Variants in RBM46 observed in about 807,000 individuals in gnomAD.
RBM46 encodes the protein probable RNA-binding protein 46.
RBM46 carries 12 observed loss-of-function variants against 43.3 expected under a neutral mutation model. The ratio of observed to expected loss-of-function variants is 0.28; its 90% CI spans 0.18 to 0.45. The LOEUF is 0.45. RBM46 is among the 20% of genes least tolerant of loss of function. The pLI, the probability that RBM46 is intolerant of heterozygous loss-of-function variation, is 1.00. For missense variants in RBM46, 412 were observed against 639.1 expected (o/e 0.64, Z 3.83); for synonymous variants, 205 against 207.6 (o/e 0.99, Z 0.11).
intron 1 of RBM46, among the ~76,000 whole-genome samples, chr4:154,789,150 A>G (rs1005372287): frequency 2.6e-5 from 4 of 152,122 alleles, no homozygotes; most frequent in Non-Finnish European, 5.9e-5. Context: ...CTCTTTTCCT[A>G]ATTGAATACC....
At chr4:154,811,898 C>T (rs1735200330) in intron 4 of RBM46, among the ~76,000 whole-genome samples, 1 of 151,960 alleles carries the variant, frequency 6.6e-6, no homozygotes, top group African/African-American at 2.4e-5. Context: ...CCAGGCTGGT[C>T]ACTAATTCCT....
Position 154,815,508 on chromosome 4 carries a change from T to A in RBM46, c.1403-12360T>A, listed in dbSNP as rs191670797. 2.0e-4 allele frequency among the ~76,000 whole-genome samples: 31 copies of A among 152,172 alleles called. No individual in the cohort carries two copies. In the East Asian group the frequency reaches 5.8e-3, roughly 28 times the overall value. On this transcript the variant is annotated intron_variant, in intron 4 of 4. Coordinates refer to ENST00000281722, the MANE Select transcript of RBM46 (RefSeq NM_144979.5). ...TCTTTTACATTTTGGATATTCTGAT[T>A]AGTGTATATTTCTTACTGAGATTGT...
intron 1 of RBM46, among the ~76,000 whole-genome samples, chr4:154,785,128 C>T (rs1733695950): frequency 6.6e-6 from 1 of 151,756 alleles, no homozygotes; most frequent in Admixed American, 6.6e-5. Flanking sequence ...GGTGACTCTT[C>T]AGTGTGTCTT....
At position 154,796,906 on chromosome 4, in the gene RBM46, G is replaced by A. The variant is rs1376196873; in HGVS notation, c.151+3G>A. 6.2e-7 allele frequency: 1 copy of A among 1,610,752 alleles called. No individual in the cohort carries two copies. Among genetic ancestry groups the A allele is most frequent in the Non-Finnish European group, 8.5e-7 (1 of 1,178,890 alleles). On this transcript the variant is annotated splice_donor_region_variant and intron_variant, in intron 2 of 4. Transcript: ENST00000281722. ...GAAATTTGGCGGTCCTCCTCCAGGTGTGGATTTGTTTACAGTCTTTTAAAT... is the reference window on the plus strand; with the variant it reads ...GAAATTTGGCGGTCCTCCTCCAGGTATGGATTTGTTTACAGTCTTTTAAAT...
intron 4 of RBM46, chr4:154,826,914 C>T: frequency 7.4e-7 from 1 of 1,356,256 alleles, no homozygotes; most frequent in Middle Eastern, 1.9e-4. Flanking sequence ...AGAAAAAAAC[C>T]TTACCTGTAC....
intron 4 of RBM46, among the ~76,000 whole-genome samples, chr4:154,810,330 A>G (rs1293979714): frequency 6.6e-6 from 1 of 152,154 alleles, no homozygotes; most frequent in African/African-American, 2.4e-5. Context: ...CTCAGACTAT[A>G]TTTGGAATGT....
At chr4:154,810,465 C>T in intron 4 of RBM46, among the ~76,000 whole-genome samples, 1 of 138,678 alleles carries the variant, frequency 7.2e-6, no homozygotes, top group Middle Eastern at 4.0e-3. Context: ...TGTGTAAATA[C>T]TAATACAGAG....
intron 1 of RBM46, among the ~76,000 whole-genome samples, chr4:154,782,974 A>G (rs1296856319): frequency 2.6e-5 from 4 of 152,228 alleles, no homozygotes; most frequent in Non-Finnish European, 4.4e-5. Context: ...ATGTATATAC[A>G]GTTTGACAGA....
intron 1 of RBM46, among the ~76,000 whole-genome samples, chr4:154,783,945 C>G (rs1336991889): frequency 6.6e-6 from 1 of 152,144 alleles, no homozygotes; most frequent in African/African-American, 2.4e-5. Flanking sequence ...AGTGTAGTGG[C>G]TGTAGTGCAG....
rs1187089104 is a variant in RBM46, at chr4:154,827,407, A to T, written c.1403-461A>T. The T allele has an allele frequency of 1.2e-5, 12 of 987,950 alleles. No homozygotes were observed. In the East Asian group the frequency reaches 1.2e-3, roughly 102 times the overall value. 61.2% of individuals were successfully genotyped at this position (987,950 alleles called of 1,614,324 possible). ...ATATTGGCCAGCTAGTTTATACCAA[A>T]TGTTTTTGCAGTCCAGGGGTGAATG... On this transcript the variant is annotated intron_variant, in intron 4 of 4. Transcript: ENST00000281722.
chr4:154,782,499 T>C (rs961160781), intron 1 of RBM46, among the ~76,000 whole-genome samples: 2 of 152,248 alleles, frequency 1.3e-5, no homozygotes, highest in African/African-American at 2.4e-5. Context: ...TTTGTTTTGT[T>C]TTGAGACGGA....
intron 4 of RBM46, among the ~76,000 whole-genome samples, chr4:154,809,724 A>G (rs1033124094): frequency 3.9e-5 from 6 of 152,142 alleles, no homozygotes; most frequent in African/African-American, 1.4e-4. Flanking sequence ...TAAGTATTAC[A>G]TTAGTCTGCC....
Position 154,799,176 on chromosome 4 carries a change from G to A in RBM46, c.1014G>A (p.Glu338=), listed in dbSNP as rs1347986754. Residue 338 remains glutamate, a synonymous_variant, in exon 4 of 5, where the codon GAG becomes GAA. Coordinates refer to ENST00000281722, the MANE Select transcript of RBM46 (RefSeq NM_144979.5). ...ENLIVFANKE[E]SHPKTLGKLP... ...TGATTGTGTTTGCTAACAAAGAAGA[G>A]AGCCACCCAAAAACTCTAGGCAAGC... is the stretch of plus-strand genomic sequence containing the variant. The A allele has an allele frequency of 6.2e-7, 1 of 1,614,140 alleles. No individual in the cohort carries two copies. Among genetic ancestry groups the A allele is most frequent in the Non-Finnish European group, 8.5e-7 (1 of 1,180,028 alleles).
intron 1 of RBM46, among the ~76,000 whole-genome samples, chr4:154,791,042 GAC>G (rs1158818981): frequency 1.3e-5 from 2 of 152,178 alleles, no homozygotes; most frequent in Non-Finnish European, 2.9e-5. Flanking sequence ...AGGAAGAAGA[GAC>G]AGGATAATGA....
Position 154,797,960 on chromosome 4 carries a change from C to A in RBM46, c.301C>A (p.Arg101=), listed in dbSNP as rs1293649588. 1.2e-6 allele frequency: 2 copies of A among 1,612,596 alleles called. No individual in the cohort carries two copies. Among genetic ancestry groups the A allele is most frequent in the African/African-American group, 1.3e-5 (1 of 74,918 alleles). The change falls in exon 3 of 5, where the codon CGA becomes AGA. Residue 101 remains arginine (R), a synonymous_variant. Transcript: ENST00000281722. ...TATGATGGAATTTAGTGGTGAAAATCGAGGTTATGCTTTTGTGATGTACAC... is the reference window on the plus strand; with the variant it reads ...TATGATGGAATTTAGTGGTGAAAATAGAGGTTATGCTTTTGTGATGTACAC... The part of the protein sequence containing the change: ...RLMMEFSGEN[R]GYAFVMYTTK...
intron 1 of RBM46, among the ~76,000 whole-genome samples, chr4:154,795,693 A>G (rs1036773478): frequency 1.3e-5 from 2 of 152,122 alleles, no homozygotes; most frequent in Non-Finnish European, 2.9e-5. Context: ...TTTGAAATAG[A>G]AGTTTAAATT....
In RBM46 at chr4:154,781,548, CG is replaced by C. The variant is rs1285529997; in HGVS notation, c.-12+116del. ...CAGTGGGGGCTGGCGGCGGTGGCTG[CG>C]GGGTTCACCCTCGTCCTTCCCCAGC... On this transcript the variant is annotated intron_variant, in intron 1 of 4. Transcript: ENST00000281722. 7 of 152,784 alleles carry C rather than the reference CG, an allele frequency of 4.6e-5. No homozygotes were observed. In the East Asian group the frequency reaches 1.4e-3, roughly 30 times the overall value. 9.5% of individuals were successfully genotyped at this position (152,784 alleles called of 1,614,324 possible). A position where few individuals can be genotyped will look rare whatever the true frequency, so the allele number is the denominator to read the frequency against.
At chr4:154,799,965 G>C (rs190022227) in intron 4 of RBM46, among the ~76,000 whole-genome samples, 2 of 151,934 alleles carry the variant, frequency 1.3e-5, no homozygotes, top group African/African-American at 4.8e-5. Flanking sequence ...TAGAGACAGG[G>C]TTTCACTGTG....
At chr4:154,791,911 T>C (rs1465183033) in intron 1 of RBM46, among the ~76,000 whole-genome samples, 1 of 152,178 alleles carries the variant, frequency 6.6e-6, no homozygotes, top group Non-Finnish European at 1.5e-5. Context: ...GTTTGGGTTG[T>C]TTTAAAAGCA....
Sources: allele counts gnomAD v4.1 joint callset (sites outside exome capture counted in the v4.1 genomes callset), GRCh38; gene constraint gnomAD v4.1.1; transcripts MANE v1.5; gene names NCBI Gene and HGNC (gene_info 2026-07-23, HGNC 2026-07-21).